Variants in DICER1 observed in about 807,000 individuals in gnomAD.
The protein encoded by DICER1 is endoribonuclease Dicer.
DICER1 carries 43 observed loss-of-function variants against 194.1 expected under a neutral mutation model. That is an observed-to-expected ratio of 0.22 (90% CI 0.17 to 0.29). The LOEUF (loss-of-function observed/expected upper bound fraction) is 0.29, where lower values mean the gene tolerates loss of function less well. DICER1 is among the 10% of genes least tolerant of loss of function. DICER1 has a pLI of 1.00. For synonymous variants in DICER1, 832 were observed against 820.5 expected (o/e 1.01, Z -0.24); for missense variants, 1,608 against 2,317.0 (o/e 0.69, Z 6.28).
intron 1 of DICER1, among the ~76,000 whole-genome samples, chr14:95,143,283 A>G (rs1024234364): frequency 6.6e-6 from 1 of 152,228 alleles, no homozygotes; most frequent in African/African-American, 2.4e-5. Context: ...TAGATACAAA[A>G]TACTGACTGT....
At chr14:95,130,823 G>C (rs1030476202) in intron 4 of DICER1, among the ~76,000 whole-genome samples, 1 of 152,294 alleles carries the variant, frequency 6.6e-6, no homozygotes, top group East Asian at 1.9e-4. Flanking sequence ...CATTCAGTTA[G>C]AGGAAGTCTC....
chr14:95,131,591 A>T lies in DICER1; in HGVS notation c.356T>A (p.Leu119His), dbSNP rs760049904. The T allele has an allele frequency of 6.2e-7, 1 of 1,613,552 alleles. No homozygotes were observed. The highest frequency in any genetic ancestry group is 8.5e-7 in the Non-Finnish European group (1 of 1,179,478). Residue 119 changes from leucine to histidine, a missense_variant, in exon 4 of 27, where the codon CTC (leucine) becomes CAC (histidine). Leu to His is a moderately conservative substitution (Grantham distance 99, BLOSUM62 -3). Coordinates refer to ENST00000343455, the MANE Select transcript of DICER1 (RefSeq NM_177438.3). ...QVSAVRTHSD[L>H]KVGEYSNLEV... is the part of the protein sequence containing the mutation. ...TAGGTTTGAGTATTCCCCAACCTTG[A>T]GATCTGAATGAGTTCTGACAGCTGA...
chr14:95,106,378 T>A, intron 17 of DICER1, 155 bp from the exon 18 acceptor site: 1 of 660,708 alleles, frequency 1.5e-6, no homozygotes, highest in Non-Finnish European at 2.6e-6. Flanking sequence ...ATATTTCAAG[T>A]ATGTAAGAAC....
At chr14:95,118,157 T>C (rs1892649225) in intron 8 of DICER1, among the ~76,000 whole-genome samples, 1 of 152,194 alleles carries the variant, frequency 6.6e-6, no homozygotes, top group South Asian at 2.1e-4. Flanking sequence ...CTACCAGTTC[T>C]ACTAGCTCAT....
rs1889580914 is a variant in DICER1 at position 95,089,210 on chromosome 14, T to C, written c.*1288A>G. On this transcript the variant is annotated 3_prime_UTR_variant, in exon 27 of 27. Transcript: ENST00000343455. ...CAAATGCCTAAAGAAGTTTTTTTTT[T>C]TTTCCTTTTCCAAAGATGGAAATAA... 4.3e-6 allele frequency: 1 copy of C among 232,980 alleles called. No individual in the cohort carries two copies. The highest frequency in any genetic ancestry group is 1.8e-4 in the South Asian group (1 of 5,532). The allele number at this position is 232,980 out of a possible 1,614,324, so 14.4% of individuals were successfully genotyped here. A position where few individuals can be genotyped will look rare whatever the true frequency, so the allele number is the denominator to read the frequency against.
intron 17 of DICER1, among the ~76,000 whole-genome samples, chr14:95,106,463 T>C (rs370830667): frequency 3.3e-5 from 5 of 152,316 alleles, no homozygotes; most frequent in African/African-American, 9.6e-5. Flanking sequence ...TATCTACATT[T>C]TGATAACACA....
At chr14:95,094,730 A>G (rs1215817787) in intron 23 of DICER1, among the ~76,000 whole-genome samples, 1 of 152,218 alleles carries the variant, frequency 6.6e-6, no homozygotes, top group Non-Finnish European at 1.5e-5. Context: ...CCACAAACCA[A>G]GAGATTGAGA....
chr14:95,154,712 G>A (rs1179096793), intron 1 of DICER1, among the ~76,000 whole-genome samples: 2 of 152,172 alleles, frequency 1.3e-5, no homozygotes, highest in East Asian at 1.9e-4. Flanking sequence ...ATGGAATCAG[G>A]AGTTAGTGTT....
rs569346627 is a variant in DICER1 at position 95,117,682 on chromosome 14, G to A, written c.1449C>T (p.Gly483=). 5.6e-6 allele frequency: 9 copies of A among 1,613,918 alleles called. No homozygotes were observed. In the East Asian group the frequency reaches 1.3e-4, roughly 24 times the overall value. ...TGTTGCGAGGCTGATTCTTCCCAAT[G>A]CCATGTCCAGTTATGAAATTGCTAC... The part of the protein sequence containing the change: ...YISSNFITGH[G]IGKNQPRNKQ... Residue 483 remains glycine, a synonymous_variant, in exon 9 of 27, where the codon GGC becomes GGT. Coordinates refer to ENST00000343455, the MANE Select transcript of DICER1 (RefSeq NM_177438.3).
intron 1 of DICER1, among the ~76,000 whole-genome samples, chr14:95,151,770 A>G (rs1459393345): frequency 2.0e-5 from 3 of 152,304 alleles, no homozygotes; most frequent in Non-Finnish European, 2.9e-5. Context: ...AGCAGGATGC[A>G]TAAGAGGCGG....
intron 23 of DICER1, 23 bp from the exon 24 acceptor site, chr14:95,094,179 C>T (rs772144708): frequency 8.1e-6 from 13 of 1,613,572 alleles, no homozygotes; most frequent in Admixed American, 1.7e-5. Context: ...GAAGTGGAAC[C>T]GTAAGCTTGT....
intron 21 of DICER1, among the ~76,000 whole-genome samples, chr14:95,102,463 G>A (rs1049170501): frequency 1.3e-5 from 2 of 152,172 alleles, no homozygotes; most frequent in Non-Finnish European, 2.9e-5. Context: ...GCCTTTTCAA[G>A]CCTTTTCTCA....
chr14:95,124,106 T>TGCTAGCTCTTACA lies in DICER1; in HGVS notation c.1376+77_1376+89dup. On this transcript the variant is annotated intron_variant, in intron 8 of 26. Transcript: ENST00000343455. This position sits in a 1 kb window ranked among gnomAD's most constrained non-coding sequence, Gnocchi z 4.5. ...GTCAAGGACACTTACATAACCCTCATGCTAGCTCTTACAGCTGCTGCAGCG... is the reference window on the plus strand; with the variant it reads ...GTCAAGGACACTTACATAACCCTCATGCTAGCTCTTACAGCTAGCTCTTACAGCTGCTGCAGCG... 2.1e-6 allele frequency: 2 copies of TGCTAGCTCTTACA among 931,102 alleles called. No individual in the cohort carries two copies. Among genetic ancestry groups the TGCTAGCTCTTACA allele is most frequent in the Non-Finnish European group, 3.4e-6 (2 of 582,468 alleles). The allele number at this position is 931,102 out of a possible 1,614,324, so 57.7% of individuals were successfully genotyped here.
rs201842071 is a variant in DICER1 at position 95,126,586 on chromosome 14, C to A, written c.897G>T (p.Ser299=). 4 of 1,512,622 alleles carry A rather than the reference C, an allele frequency of 2.6e-6. No homozygotes were observed. The highest frequency in any genetic ancestry group is 2.8e-6 in the Non-Finnish European group (3 of 1,088,654). 93.7% of individuals were successfully genotyped at this position (1,512,622 alleles called of 1,614,324 possible). A position where few individuals can be genotyped will look rare whatever the true frequency, so the allele number is the denominator to read the frequency against. ...CTACTTGGTATATGCTTACCTGTTT[C>A]GAAATTAAAGTAGAATCTCTTTCTT... The part of the protein sequence containing the change: ...HSKERDSTLI[S]KQILSDCRAV... Residue 299 remains serine (S), a synonymous_variant, in exon 7 of 27, where the codon TCG becomes TCT. Transcript: ENST00000343455.
chr14:95,141,552 T>C (rs1410181269), intron 1 of DICER1: 1 of 152,238 alleles, frequency 6.6e-6, no homozygotes, highest in Non-Finnish European at 1.5e-5. Flanking sequence ...CTCTTTTTAC[T>C]ACTTCCAGTC....
intron 1 of DICER1, chr14:95,140,593 A>C (rs952516379): frequency 2.6e-5 from 4 of 152,220 alleles, no homozygotes; most frequent in Non-Finnish European, 5.9e-5. Context: ...ACTGTAATTT[A>C]GCAAAAGACA....
Position 95,105,638 on chromosome 14 carries a change from A to T in DICER1, c.3093+40T>A. 1 of 1,388,716 alleles carries T rather than the reference A, an allele frequency of 7.2e-7. No individual in the cohort carries two copies. Among genetic ancestry groups the T allele is most frequent in the South Asian group, 1.2e-5 (1 of 86,202 alleles). 86.0% of individuals were successfully genotyped at this position (1,388,716 alleles called of 1,614,324 possible). A position where few individuals can be genotyped will look rare whatever the true frequency, so the allele number is the denominator to read the frequency against. ...TTATCTTTAATAATCTTTAATACTCAAACAAATACTAAGTTATGCTAGTAC... is the reference window on the plus strand; with the variant it reads ...TTATCTTTAATAATCTTTAATACTCTAACAAATACTAAGTTATGCTAGTAC... On this transcript the variant is annotated intron_variant, in intron 19 of 26. Transcript: ENST00000343455. The surrounding 1 kb of genome is among the most constrained non-coding windows in gnomAD (Gnocchi z 4.9).
intron 1 of DICER1, among the ~76,000 whole-genome samples, chr14:95,137,727 C>A (rs1469627571): frequency 2.6e-5 from 4 of 152,160 alleles, no homozygotes; most frequent in Non-Finnish European, 5.9e-5. Flanking sequence ...CTCCAAAAAA[C>A]CAGGGATGAG....
chr14:95,113,101 G>C lies in DICER1; in HGVS notation c.2031C>G (p.Ala677=), dbSNP rs1892122853. The C allele has an allele frequency of 6.2e-7, 1 of 1,613,682 alleles. No individual in the cohort carries two copies. Among genetic ancestry groups the C allele is most frequent in the Non-Finnish European group, 8.5e-7 (1 of 1,179,614 alleles). Residue 677 remains alanine (A), a synonymous_variant, in exon 12 of 27, where the codon GCC becomes GCG. Transcript: ENST00000343455. ...CTTCTTCTAAACTTACAACAATGGAGGCTCGAAGAGGTGAGTTAATTGGCA... is the reference window on the plus strand; with the variant it reads ...CTTCTTCTAAACTTACAACAATGGACGCTCGAAGAGGTGAGTTAATTGGCA... The part of the protein sequence containing the change: ...LYLPINSPLR[A]SIVGPPMSCV...
Sources: allele counts gnomAD v4.1 joint callset (sites outside exome capture counted in the v4.1 genomes callset), GRCh38; gene constraint gnomAD v4.1.1; non-coding constraint Gnocchi (gnomAD v3.1); transcripts MANE v1.5; gene names NCBI Gene and HGNC (gene_info 2026-07-23, HGNC 2026-07-21).